Variants in TPD52L2 observed in about 807,000 individuals in gnomAD.
TPD52L2 encodes TPD52 like 2.
A neutral mutation model predicts 24.7 loss-of-function variants in TPD52L2; 19 were observed. That is an observed-to-expected ratio of 0.77 (90% CI 0.54 to 1.13). The LOEUF is 1.13. Among genes scored for constraint, TPD52L2 ranks in the 50% most tolerant of loss-of-function variants. TPD52L2 has a pLI of 0.00. For missense variants in TPD52L2, 236 were observed against 250.4 expected (o/e 0.94, Z 0.39); for synonymous variants, 104 against 100.2 (o/e 1.04, Z -0.23).
intron 5 of TPD52L2, chr20:63,887,357 G>A: frequency 1.4e-6 from 1 of 698,438 alleles, no homozygotes; most frequent in Admixed American, 2.0e-5. Context: ...TATGCGCTGG[G>A]CAACTTGGGG....
At chr20:63,866,105 T>G (rs2052218322) in intron 1 of TPD52L2, among the ~76,000 whole-genome samples, 1 of 152,192 alleles carries the variant, frequency 6.6e-6, no homozygotes, top group Non-Finnish European at 1.5e-5. Flanking sequence ...TCTTTCTTTC[T>G]TTCTTTCTTT....
At chr20:63,889,332 A>G (rs1345530237) in intron 6 of TPD52L2, 94 bp downstream of exon 6, 1 of 1,114,248 alleles carries the variant, frequency 9.0e-7, no homozygotes, top group African/African-American at 1.5e-5. Context: ...GTAGACTCAC[A>G]TACAGTTGTG....
chr20:63,874,218 AT>A (rs532097736), intron 3 of TPD52L2, among the ~76,000 whole-genome samples: 67 of 133,592 alleles, frequency 5.0e-4, no homozygotes, highest in Admixed American at 1.8e-3. Flanking sequence ...CGCCCGGCTG[AT>A]TTTTTTTTTT....
rs1265594615 is a variant in TPD52L2, at chr20:63,873,671, G to A, written c.169G>A (p.Glu57Lys). The A allele has an allele frequency of 6.2e-7, 1 of 1,610,798 alleles. No homozygotes were observed. Among genetic ancestry groups the A allele is most frequent in the East Asian group, 2.2e-5 (1 of 44,720 alleles). The change falls in exon 3 of 7, where the codon GAA (glutamate) becomes AAA (lysine). Residue 57 changes from glutamate to lysine, a missense_variant. Glu to Lys is a moderately conservative substitution (Grantham distance 56, BLOSUM62 1). Coordinates refer to ENST00000346249, the MANE Select transcript of TPD52L2 (RefSeq NM_003288.4). The stretch of plus-strand genomic sequence containing the variant: ...ATGTCAACTGCATGCTTTGCAGGTG[G>A]AAGAGGAAATTGTCACTCTGCGCCA... The part of the protein sequence containing the change: ...EELRAELTKV[E>K]EEIVTLRQVL...
chr20:63,889,590 T>G (rs2053258439), intron 6 of TPD52L2, among the ~76,000 whole-genome samples: 1 of 152,114 alleles, frequency 6.6e-6, no homozygotes. Context: ...ACTCTCCCTT[T>G]GTATAATTGT....
chr20:63,875,154 T>C (rs58640922), intron 3 of TPD52L2, among the ~76,000 whole-genome samples: 2 of 140,844 alleles, frequency 1.4e-5, no homozygotes, highest in African/African-American at 5.4e-5. Context: ...AAAAAAAAAA[T>C]ATATATATAT....
chr20:63,885,945 G>A (rs901387430), intron 5 of TPD52L2: 5 of 1,550,516 alleles, frequency 3.2e-6, no homozygotes, highest in Non-Finnish European at 4.5e-6. Context: ...TCCCCGAGGA[G>A]GGCTGTGAGT....
At chr20:63,887,706 T>C in intron 5 of TPD52L2, 1 of 1,228,300 alleles carries the variant, frequency 8.1e-7, no homozygotes, top group Non-Finnish European at 1.2e-6. Flanking sequence ...TATTCCTGGA[T>C]TAATTGAGGA....
At chr20:63,868,133 G>A (rs192123630) in intron 1 of TPD52L2, among the ~76,000 whole-genome samples, 2 of 151,996 alleles carry the variant, frequency 1.3e-5, no homozygotes, top group South Asian at 2.1e-4. Flanking sequence ...AGCTGGTCTC[G>A]AACTCCTGAC....
Position 63,869,341 on chromosome 20 carries a change from T to C in TPD52L2, c.65T>C (p.Met22Thr), listed in dbSNP as rs1295478321. 8.7e-6 allele frequency: 14 copies of C among 1,614,090 alleles called. No homozygotes were observed. The Admixed American group carries it at 1.7e-4, about 19-fold the overall frequency. The part of the protein sequence containing the change: ...SPNKGLLSDS[M>T]TDVPVDTGVA... The stretch of plus-strand genomic sequence containing the variant: ...AACAAAGGTCTGCTGTCTGACTCCA[T>C]GACGGATGTTCCTGTCGACACAGGT... Residue 22 changes from methionine to threonine, a missense_variant, in exon 2 of 7, where the codon ATG (methionine) becomes ACG (threonine). Physicochemically the swap from Met to Thr is moderately conservative, Grantham distance 81. Transcript: ENST00000346249.
chr20:63,888,768 A>G (rs1479847519), intron 5 of TPD52L2: 4 of 185,690 alleles, frequency 2.2e-5, no homozygotes, highest in East Asian at 1.2e-4. Flanking sequence ...CAGCCCCCCA[A>G]CTGCGCAGAC....
At chr20:63,882,650 T>G in intron 4 of TPD52L2, 69 bp from the exon 5 acceptor site, 1 of 1,291,282 alleles carries the variant, frequency 7.7e-7, no homozygotes, top group Non-Finnish European at 1.1e-6. Flanking sequence ...CTCCCAGTGC[T>G]TTGTTTGCTT....
chr20:63,882,607 C>G, intron 4 of TPD52L2, 112 bp from the exon 5 acceptor site: 1 of 847,464 alleles, frequency 1.2e-6, no homozygotes, highest in Non-Finnish European at 2.0e-6. Flanking sequence ...CACCCCTTGG[C>G]CCAGCTCCTT....
chr20:63,881,359 C>CA (rs1007760444), intron 4 of TPD52L2, among the ~76,000 whole-genome samples: 292 of 106,714 alleles, frequency 2.7e-3, no homozygotes, highest in Middle Eastern at 6.4e-3. Context: ...GACTTTGTCT[C>CA]AAAAAAAAAA....
chr20:63,883,674 A>G (rs2052984417), intron 5 of TPD52L2, among the ~76,000 whole-genome samples: 1 of 151,872 alleles, frequency 6.6e-6, no homozygotes, highest in Non-Finnish European at 1.5e-5. Context: ...GCCTCCCTGT[A>G]GCTCTGACCC....
chr20:63,886,025 A>C, intron 5 of TPD52L2: 1 of 1,613,932 alleles, frequency 6.2e-7, no homozygotes, highest in Non-Finnish European at 8.5e-7. Flanking sequence ...GGGCTCATCC[A>C]TTTTCACACT....
intron 4 of TPD52L2, 146 bp from the exon 5 acceptor site, chr20:63,882,573 C>G: frequency 2.9e-6 from 2 of 689,680 alleles, no homozygotes; most frequent in Non-Finnish European, 2.6e-6. Context: ...CCTGCACCCC[C>G]TCTGTAGACA....
At chr20:63,866,755 G>T (rs2052255804) in intron 1 of TPD52L2, among the ~76,000 whole-genome samples, 1 of 147,084 alleles carries the variant, frequency 6.8e-6, no homozygotes, top group African/African-American at 2.5e-5. Flanking sequence ...CACCGCGCCT[G>T]GCCTTTTTTT....
chr20:63,869,509 C>G (rs2052383292), intron 2 of TPD52L2, 68 bp downstream of exon 2: 6 of 1,594,480 alleles, frequency 3.8e-6, no homozygotes, highest in Non-Finnish European at 4.3e-6. Context: ...AGTGAGAGGC[C>G]AGGGTACTGG....
Sources: gnomAD v4.1 joint callset for allele counts (sites outside exome capture counted in the v4.1 genomes callset) on GRCh38, gnomAD v4.1.1 for gene constraint, MANE v1.5 for transcripts, NCBI Gene and HGNC (gene_info 2026-07-23, HGNC 2026-07-21) for gene names.